Variants in PAK3 observed in about 807,000 individuals in gnomAD.
PAK3 encodes the protein p21 (RAC1) activated kinase 3, also known as serine/threonine-protein kinase PAK 3.
In PAK3, 4 loss-of-function variants were observed where a neutral mutation model predicts 41.0. That is an observed-to-expected ratio of 0.10 (90% confidence interval 0.05 to 0.22). The LOEUF (loss-of-function observed/expected upper bound fraction) is 0.22, where lower values mean the gene tolerates loss of function less well. Among genes scored for constraint, PAK3 ranks in the 10% least tolerant of loss-of-function variants. The pLI, the probability that PAK3 is intolerant of heterozygous loss-of-function variation, is 1.00. For synonymous variants in PAK3, 146 were observed against 139.6 expected, an observed-to-expected ratio of 1.05 and a Z score of -0.32; for missense variants, 205 against 409.9, an observed-to-expected ratio of 0.50 and a Z score of 4.32.
At chrX:111,180,165 T>C (rs1180527919) in intron 11 of PAK3, among the ~76,000 whole-genome samples, 1 of 112,030 alleles carries the variant, frequency 8.9e-6, no homozygotes, top group Non-Finnish European at 1.9e-5. Context: ...AGGGAAATTT[T>C]ATTAAGTATC....
rs1243824520 is a variant in PAK3 at position 111,216,249 on chromosome X, A to G, written c.1408-172A>G. On this transcript the variant is annotated intron_variant, in intron 16 of 17. Transcript: ENST00000372007. ...TTCACTGTCACCTCAGTTACTGCCAATATTAATCATTTCTAAATGTTATAG... is the reference window on the plus strand; with the variant it reads ...TTCACTGTCACCTCAGTTACTGCCAGTATTAATCATTTCTAAATGTTATAG... 8.0e-5 allele frequency among the ~76,000 whole-genome samples: 9 copies of G among 112,103 alleles called. No individual in the cohort carries two copies. The Admixed American group carries it at 8.5e-4, about 11-fold the overall frequency.
chrX:111,152,965 A>T (rs1214463860), intron 8 of PAK3, among the ~76,000 whole-genome samples: 3 of 111,826 alleles, frequency 2.7e-5, no homozygotes, highest in Non-Finnish European at 3.8e-5. Flanking sequence ...CAAACATTGA[A>T]GGCTCTCTAG....
At chrX:111,132,804 C>T (rs1331448338) in intron 5 of PAK3, among the ~76,000 whole-genome samples, 2 of 111,649 alleles carry the variant, frequency 1.8e-5, no homozygotes, top group Non-Finnish European at 3.8e-5. Context: ...ATGTGCCTAG[C>T]TCTGTGCTGA....
At chrX:111,138,892 C>T (rs563560562) in intron 5 of PAK3, among the ~76,000 whole-genome samples, 1 of 110,375 alleles carries the variant, frequency 9.1e-6, no homozygotes, top group East Asian at 2.8e-4. Flanking sequence ...CGCTTGAACC[C>T]GGGAGGCGGA....
chrX:111,179,903 C>T (rs1297950584), intron 11 of PAK3, among the ~76,000 whole-genome samples: 1 of 111,074 alleles, frequency 9.0e-6, no homozygotes, highest in Non-Finnish European at 1.9e-5. Context: ...GGATTACAGG[C>T]GTGTGTCACC....
At position 111,097,005 on chromosome X, in the gene PAK3, G is replaced by A. The variant is rs1171766817; in HGVS notation, c.-352-385G>A. 2.7e-5 allele frequency among the ~76,000 whole-genome samples: 3 copies of A among 109,148 alleles called. No homozygotes were observed. The Admixed American group carries it at 2.9e-4, about 11-fold the overall frequency. The allele number at this position is 109,148 out of a possible 115,157, so 94.8% of individuals were successfully genotyped here. On this transcript the variant is annotated intron_variant, in intron 1 of 17. Transcript: ENST00000372007. ...CCCCCTCCCCTTTTTTTGGTGGGGGGATGGTAATAACAGGGGGACCCTTTT... is the reference window on the plus strand; with the variant it reads ...CCCCCTCCCCTTTTTTTGGTGGGGGAATGGTAATAACAGGGGGACCCTTTT...
intron 1 of PAK3, among the ~76,000 whole-genome samples, chrX:111,047,739 G>C (rs1459990211): frequency 9.0e-6 from 1 of 111,487 alleles, no homozygotes; most frequent in Non-Finnish European, 1.9e-5. Context: ...GGGAATTTTA[G>C]AGCAGGGGAA....
At chrX:111,063,019 CCCTAG>C (rs1257011635) in intron 1 of PAK3, among the ~76,000 whole-genome samples, 8 of 111,556 alleles carry the variant, frequency 7.2e-5, no homozygotes, top group African/African-American at 2.6e-4. Flanking sequence ...TTACTTCCTA[CCCTAG>C]CCTGGAATAA....
intron 14 of PAK3, 101 bp from the exon 15 acceptor site, chrX:111,195,741 C>T: frequency 1.8e-6 from 1 of 551,051 alleles, no homozygotes; most frequent in Non-Finnish European, 3.1e-6. Flanking sequence ...TTTCACTTGA[C>T]AATATAAAGT....
chrX:111,124,555 G>T (rs1436813368), intron 5 of PAK3, among the ~76,000 whole-genome samples: 1 of 112,133 alleles, frequency 8.9e-6, no homozygotes, highest in Admixed American at 9.4e-5. Context: ...GGGATTACAT[G>T]CCTGCACAAA....
At chrX:111,200,672 C>T (rs1569462580) in intron 16 of PAK3, among the ~76,000 whole-genome samples, 1 of 111,842 alleles carries the variant, frequency 8.9e-6, no homozygotes, top group African/African-American at 3.2e-5. Flanking sequence ...AAGAACACAT[C>T]GGACCTCTTG....
At chrX:111,060,204 T>A (rs1486292573) in intron 1 of PAK3, among the ~76,000 whole-genome samples, 1 of 112,190 alleles carries the variant, frequency 8.9e-6, no homozygotes, top group Non-Finnish European at 1.9e-5. Flanking sequence ...GTTTTCCCCT[T>A]TATTCAACTA....
At chrX:111,051,697 C>CTGTGTGTG (rs55981824) in intron 1 of PAK3, among the ~76,000 whole-genome samples, 137 of 104,359 alleles carry the variant, frequency 1.3e-3, no homozygotes, top group African/African-American at 4.7e-3. Flanking sequence ...GTGTGTGTGT[C>CTGTGTGTG]TGTGTGTGTG....
rs1405408172 is a variant in PAK3, at chrX:111,027,955, GATATGTGT to G, written c.-28+83332_-28+83339del. 8.4e-4 allele frequency among the ~76,000 whole-genome samples: 81 copies of G among 96,088 alleles called. 1 individual carries two copies. The highest frequency in any genetic ancestry group is 1.5e-3 in the Non-Finnish European group (72 of 47,130). The allele number at this position is 96,088 out of a possible 115,157, so 83.4% of individuals were successfully genotyped here. A position where few individuals can be genotyped will look rare whatever the true frequency, so the allele number is the denominator to read the frequency against. On this transcript the variant is annotated intron_variant, in intron 1 of 14. Transcript: ENST00000425146. The stretch of plus-strand genomic sequence containing the variant: ...ATCAATGAGTGGATAAAGAAAATGT[GATATGTGT>G]ATATATACATATATATGTATATAAT...
chrX:111,095,162 C>T (rs2092963782), upstream of PAK3, among the ~76,000 whole-genome samples: 1 of 111,189 alleles, frequency 9.0e-6, no homozygotes, highest in African/African-American at 3.3e-5. Context: ...CTATTTTGGC[C>T]ATTTAAGTAT....
At chrX:110,987,725 G>T (rs896772724) in intron 1 of PAK3, among the ~76,000 whole-genome samples, 8 of 111,944 alleles carry the variant, frequency 7.1e-5, no homozygotes, top group African/African-American at 2.6e-4. Flanking sequence ...TTTGTCTCTG[G>T]TGGTTGACCT....
intron 1 of PAK3, among the ~76,000 whole-genome samples, chrX:111,034,292 A>G (rs1245035178): frequency 1.8e-5 from 2 of 110,824 alleles, no homozygotes; most frequent in African/African-American, 6.6e-5. Flanking sequence ...ATAGAGAGAC[A>G]GAGAAACTGA....
At chrX:110,964,234 A>G (rs1472419138) in intron 1 of PAK3, among the ~76,000 whole-genome samples, 1 of 112,195 alleles carries the variant, frequency 8.9e-6, no homozygotes, top group African/African-American at 3.2e-5. Flanking sequence ...GGTTTGAACC[A>G]CAATTTTTCT....
At chrX:111,063,591 TG>T (rs1369753346) in intron 1 of PAK3, among the ~76,000 whole-genome samples, 1 of 111,199 alleles carries the variant, frequency 9.0e-6, no homozygotes, top group Non-Finnish European at 1.9e-5. Flanking sequence ...GGCAGACACA[TG>T]AAACTGGGCA....
Sources: allele counts gnomAD v4.1 joint callset (sites outside exome capture counted in the v4.1 genomes callset), GRCh38; gene constraint gnomAD v4.1.1; transcripts MANE v1.5; gene names NCBI Gene and HGNC (gene_info 2026-07-23, HGNC 2026-07-21).